The following PPP2R1B variants were observed in gnomAD, a reference collection of about 807,000 sequenced individuals.
PPP2R1B encodes protein phosphatase 2 scaffold subunit Abeta.
PPP2R1B carries 58 observed loss-of-function variants against 72.7 expected under a neutral mutation model. That is an observed-to-expected ratio of 0.80 (90% CI 0.65 to 0.99). PPP2R1B has a LOEUF of 0.99. Ranked by LOEUF, PPP2R1B falls within the 50% of genes least tolerant of loss-of-function variation. PPP2R1B has a pLI of 0.00. For missense variants in PPP2R1B, 695 were observed against 733.6 expected (o/e 0.95, Z 0.61); for synonymous variants, 256 against 264.6 (o/e 0.97, Z 0.32).
At position 111,740,410 on chromosome 11, in the gene PPP2R1B, G is replaced by A. The variant is rs1376441477; in HGVS notation, c.*1186C>T. The A allele has an allele frequency of 3.2e-6, 3 of 945,108 alleles. No individual in the cohort carries two copies. Among genetic ancestry groups the A allele is most frequent in the Admixed American group, 1.2e-4 (2 of 16,182 alleles). 58.5% of individuals were successfully genotyped at this position (945,108 alleles called of 1,614,324 possible). A position where few individuals can be genotyped will look rare whatever the true frequency, so the allele number is the denominator to read the frequency against. ...CTTTTTTGTATTTTTAGTAGAGATG[G>A]GGTTTCACCATGTTGGTCAGGCTGA... On this transcript the variant is annotated 3_prime_UTR_variant, in exon 15 of 15. Transcript: ENST00000527614.
At chr11:111,697,217 A>G in the PPP2R1B span, among the ~76,000 whole-genome samples, 2 of 152,222 alleles carry the variant, frequency 1.3e-5, no homozygotes, top group African/African-American at 4.8e-5. Context: ...TAAAATAAGG[A>G]TACTTCATAG....
intron 13 of PPP2R1B, 69 bp from the exon 14 acceptor site, chr11:111,742,213 G>A (rs1232790481): frequency 2.0e-5 from 23 of 1,169,630 alleles, no homozygotes; most frequent in Non-Finnish European, 2.5e-5. Context: ...TGGTGTATAT[G>A]GTTAATGGTA....
At chr11:111,759,743 T>A (rs1307543349) in intron 5 of PPP2R1B, 61 bp downstream of exon 5, 38 of 1,488,902 alleles carry the variant, frequency 2.6e-5, no homozygotes, top group Non-Finnish European at 3.2e-5. Context: ...CCCAAAGAAA[T>A]TCTGAAAATT....
At chr11:111,745,968 T>G (rs940291674) in intron 11 of PPP2R1B, among the ~76,000 whole-genome samples, 3 of 152,244 alleles carry the variant, frequency 2.0e-5, no homozygotes, top group Non-Finnish European at 2.9e-5. Context: ...TTCATGGAAC[T>G]CTTGCAGTCC....
chr11:111,761,178 A>C (rs1945312735), intron 3 of PPP2R1B, 127 bp from the exon 4 acceptor site: 1 of 843,342 alleles, frequency 1.2e-6, no homozygotes, highest in East Asian at 2.6e-5. Context: ...GCATCATACC[A>C]AATGGTTACT....
chr11:111,717,760 A>C, the PPP2R1B span, among the ~76,000 whole-genome samples: 1,134 of 152,350 alleles, frequency 7.4e-3, 8 homozygotes, highest in Middle Eastern at 0.061. Context: ...TACCATGCAT[A>C]CATAGAAAGG....
the PPP2R1B span, among the ~76,000 whole-genome samples, chr11:111,692,038 G>A: frequency 1.3e-5 from 2 of 152,038 alleles, no homozygotes; most frequent in African/African-American, 4.8e-5. Context: ...CAGGATTGGG[G>A]ATCGGGGAGA....
chr11:111,762,907 A>G (rs1334555038), intron 3 of PPP2R1B, among the ~76,000 whole-genome samples: 1 of 152,128 alleles, frequency 6.6e-6, no homozygotes, highest in Non-Finnish European at 1.5e-5. Context: ...TTTTCAATAC[A>G]TTATTATTGG....
the PPP2R1B span, among the ~76,000 whole-genome samples, chr11:111,711,649 C>T: frequency 6.6e-6 from 1 of 152,222 alleles, no homozygotes; most frequent in African/African-American, 2.4e-5. Context: ...GTTCCTGTCA[C>T]CCCATGTGAC....
At position 111,739,844 on chromosome 11, in the gene PPP2R1B, C is replaced by G; in HGVS notation, c.*1752G>C. The G allele has an allele frequency of 3.1e-6, 3 of 976,356 alleles. No homozygotes were observed. The highest frequency in any genetic ancestry group is 2.3e-4 in the East Asian group (2 of 8,766). 60.5% of individuals were successfully genotyped at this position (976,356 alleles called of 1,614,324 possible). ...ATGAGAATATAGAAAAAGATTTGTG[C>G]TTAGGAAAATACTTAATTCTTGGCC... On this transcript the variant is annotated 3_prime_UTR_variant, in exon 15 of 15. Transcript: ENST00000527614.
chr11:111,764,730 T>C (rs1945455214), intron 3 of PPP2R1B, 75 bp downstream of exon 3: 1 of 1,428,944 alleles, frequency 7.0e-7, no homozygotes, highest in Admixed American at 1.9e-5. Context: ...TGCTGCAGTG[T>C]GTCTATCACC....
chr11:111,737,440 G>C (rs765936102), downstream of PPP2R1B: 1 of 1,614,194 alleles, frequency 6.2e-7, no homozygotes, highest in Admixed American at 1.7e-5. Flanking sequence ...AGGCTTCCGG[G>C]CACTTACCTT....
At position 111,759,793 on chromosome 11, in the gene PPP2R1B, A is replaced by C; in HGVS notation, c.687+11T>G. ...ATATCTGTGTCCCTTAAATACTAAG[A>C]GTTAGTTTACCTGTTCATCTGAAGC... On this transcript the variant is annotated intron_variant, in intron 5 of 14. Coordinates refer to ENST00000527614, the MANE Select transcript of PPP2R1B (RefSeq NM_002716.5). 6.2e-7 allele frequency: 1 copy of C among 1,605,464 alleles called. No individual in the cohort carries two copies. Among genetic ancestry groups the C allele is most frequent in the Non-Finnish European group, 8.5e-7 (1 of 1,174,082 alleles).
At chr11:111,758,384 GA>G (rs1315149368) in intron 5 of PPP2R1B, among the ~76,000 whole-genome samples, 1 of 152,208 alleles carries the variant, frequency 6.6e-6, no homozygotes, top group East Asian at 1.9e-4. Context: ...AAGGTCAAGA[GA>G]TGGAGACCAT....
chr11:111,748,039 A>ATTC, intron 10 of PPP2R1B, 25 bp from the exon 11 acceptor site: 1 of 1,599,880 alleles, frequency 6.3e-7, no homozygotes, highest in Non-Finnish European at 8.5e-7. Context: ...GATTCCATTA[A>ATTC]CATACATTGC....
chr11:111,723,247 A>C (rs1383743458), downstream of PPP2R1B, among the ~76,000 whole-genome samples: 1 of 152,188 alleles, frequency 6.6e-6, no homozygotes, highest in Non-Finnish European at 1.5e-5. Context: ...TGTATAAAGG[A>C]AAAAACTCGG....
At chr11:111,746,381 A>G (rs1944704316) in intron 11 of PPP2R1B, among the ~76,000 whole-genome samples, 1 of 152,178 alleles carries the variant, frequency 6.6e-6, no homozygotes, top group Non-Finnish European at 1.5e-5. Context: ...GGAACAGAAA[A>G]CCAAACAGTA....
downstream of PPP2R1B, chr11:111,724,040 C>A (rs1565400502): frequency 1.9e-6 from 3 of 1,614,182 alleles, no homozygotes; most frequent in Middle Eastern, 1.6e-4. Context: ...CTACGACCCA[C>A]TAGCCCTCTC....
In PPP2R1B at chr11:111,738,819, G is replaced by C. The variant is rs1321140811; in HGVS notation, c.*2777C>G. On this transcript the variant is annotated 3_prime_UTR_variant, in exon 15 of 15. Transcript: ENST00000527614. ...AGGGGTAAACCCCACACAAATTACA[G>C]AGAGAAACACCAAGGTGAATTCCAC... The C allele has an allele frequency of 6.1e-6, 6 of 985,194 alleles. No individual in the cohort carries two copies. The highest frequency in any genetic ancestry group is 6.0e-6 in the Non-Finnish European group (5 of 829,970). 61.0% of individuals were successfully genotyped at this position (985,194 alleles called of 1,614,324 possible).
Sources: allele counts gnomAD v4.1 joint callset (sites outside exome capture counted in the v4.1 genomes callset), GRCh38; gene constraint gnomAD v4.1.1; transcripts MANE v1.5; gene names NCBI Gene and HGNC (gene_info 2026-07-23, HGNC 2026-07-21).